DOCK1: variants seen among roughly 807,000 people sequenced by gnomAD.
The protein encoded by DOCK1 is dedicator of cytokinesis protein 1.
In DOCK1, 138 loss-of-function variants were observed where a neutral mutation model predicts 262.7. That is an observed-to-expected ratio of 0.53 (90% CI 0.46 to 0.61). DOCK1 has a LOEUF of 0.61. Ranked by LOEUF, DOCK1 falls within the 20% of genes least tolerant of loss-of-function variation. The pLI, the probability that DOCK1 is intolerant of heterozygous loss-of-function variation, is 0.00. For missense variants in DOCK1, 1,908 were observed against 2,370.7 expected, an observed-to-expected ratio of 0.80 and a Z score of 4.05; for synonymous variants, 866 against 867.4, an observed-to-expected ratio of 1.00 and a Z score of 0.03.
At chr10:127,337,150 G>A (rs989837911) in intron 29 of DOCK1, among the ~76,000 whole-genome samples, 1 of 152,058 alleles carries the variant, frequency 6.6e-6, no homozygotes. Flanking sequence ...TATGCATCAC[G>A]GCACAGCCCA....
chr10:126,915,438 G>GT (rs2032359929), intron 1 of DOCK1, among the ~76,000 whole-genome samples: 3 of 148,356 alleles, frequency 2.0e-5, no homozygotes, highest in African/African-American at 2.5e-5. Context: ...GGCGGGGGGG[G>GT]GATGGAGTCT....
At chr10:126,983,555 T>C (rs1771331306) in intron 4 of DOCK1, among the ~76,000 whole-genome samples, 1 of 152,144 alleles carries the variant, frequency 6.6e-6, no homozygotes, top group Non-Finnish European at 1.5e-5. Context: ...CAGGCTGCCT[T>C]GTAAGCCTCT....
intron 27 of DOCK1, among the ~76,000 whole-genome samples, chr10:127,215,717 A>G (rs574069932): frequency 2.2e-4 from 33 of 152,294 alleles, no homozygotes; most frequent in African/African-American, 7.9e-4. Context: ...AATTGACCTA[A>G]AGAAAAATAA....
At chr10:127,201,287 GT>G (rs941244277) in intron 27 of DOCK1, among the ~76,000 whole-genome samples, 2 of 152,132 alleles carry the variant, frequency 1.3e-5, no homozygotes, top group Non-Finnish European at 2.9e-5. Context: ...CTCTCGCTTT[GT>G]GTAAAGCCCC....
At chr10:127,448,508 CAT>C (rs1407015664) in intron 51 of DOCK1, among the ~76,000 whole-genome samples, 2 of 152,198 alleles carry the variant, frequency 1.3e-5, no homozygotes, top group African/African-American at 4.8e-5. Context: ...CGGGCCCAGG[CAT>C]GTGTGGAGGG....
At chr10:127,137,864 G>A (rs575404993) in intron 27 of DOCK1, 26 of 1,613,984 alleles carry the variant, frequency 1.6e-5, no homozygotes, top group Admixed American at 6.7e-5. Context: ...TCCATCTTCC[G>A]TGCTTTTTAG....
intron 16 of DOCK1, among the ~76,000 whole-genome samples, chr10:127,031,436 A>G (rs1008189365): frequency 3.8e-4 from 58 of 152,290 alleles, no homozygotes; most frequent in African/African-American, 1.4e-3. Context: ...TTGAATTTAT[A>G]GATTAATTTG....
intron 27 of DOCK1, among the ~76,000 whole-genome samples, chr10:127,184,679 A>G (rs943526301): frequency 2.0e-5 from 3 of 152,124 alleles, no homozygotes; most frequent in African/African-American, 4.8e-5. Flanking sequence ...CCATCTGCTG[A>G]CTTCCATTAA....
chr10:127,187,379 C>G (rs1400297050), intron 27 of DOCK1, among the ~76,000 whole-genome samples: 3 of 152,180 alleles, frequency 2.0e-5, no homozygotes, highest in African/African-American at 7.2e-5. Flanking sequence ...AAATGATTCT[C>G]TGTGGACTTG....
intron 29 of DOCK1, among the ~76,000 whole-genome samples, chr10:127,276,796 T>A (rs2060759027): frequency 7.3e-6 from 1 of 136,368 alleles, no homozygotes; most frequent in Non-Finnish European, 1.7e-5. Flanking sequence ...GTTTTTCCAA[T>A]TCCTCTATTG....
At position 127,012,499 on chromosome 10, in the gene DOCK1, C is replaced by T. The variant is rs188170730; in HGVS notation, c.1201+125C>T. On this transcript the variant is annotated intron_variant, in intron 12 of 51. Transcript: ENST00000623213. This position sits in a 1 kb window ranked among gnomAD's most constrained non-coding sequence, Gnocchi z 4.0. Reference sequence around the variant, plus strand: ...TGATAATGATGGGGATGACAGTGATCGTGGTGGAGAATGTGTGTGACAGTT... The same window carrying T: ...TGATAATGATGGGGATGACAGTGATTGTGGTGGAGAATGTGTGTGACAGTT... 3,708 of 805,902 alleles carry T rather than the reference C, an allele frequency of 4.6e-3. 17 individuals are homozygous for T. Among genetic ancestry groups the T allele is most frequent in the Non-Finnish European group, 5.9e-3 (2,859 of 486,022 alleles). 49.9% of individuals were successfully genotyped at this position (805,902 alleles called of 1,614,324 possible).
intron 22 of DOCK1, among the ~76,000 whole-genome samples, chr10:127,055,491 G>A (rs575923051): frequency 6.6e-6 from 1 of 152,310 alleles, no homozygotes; most frequent in South Asian, 2.1e-4. Flanking sequence ...CTACCTGCAA[G>A]GAAGCTGGAA....
chr10:127,406,286 G>A (rs558317017), intron 40 of DOCK1, among the ~76,000 whole-genome samples: 1 of 152,290 alleles, frequency 6.6e-6, no homozygotes. Flanking sequence ...GGGTGCGGAG[G>A]ACACGTTGCA....
intron 32 of DOCK1, among the ~76,000 whole-genome samples, chr10:127,359,606 C>G (rs1407239598): frequency 6.6e-6 from 1 of 152,220 alleles, no homozygotes; most frequent in Non-Finnish European, 1.5e-5. Context: ...CTTTCAGAAA[C>G]ATTAAGCATT....
chr10:127,023,786 C>G (rs2042624196), intron 14 of DOCK1, among the ~76,000 whole-genome samples: 1 of 152,126 alleles, frequency 6.6e-6, no homozygotes, highest in Non-Finnish European at 1.5e-5. Flanking sequence ...CGTGGAGTCT[C>G]ATTTGCTGTC....
chr10:127,297,738 C>A (rs967927335), intron 29 of DOCK1, among the ~76,000 whole-genome samples: 1 of 152,112 alleles, frequency 6.6e-6, no homozygotes, highest in Non-Finnish European at 1.5e-5. Context: ...ACCCTCATGG[C>A]ACGAGCATGG....
rs11016077 is a variant in DOCK1 at position 127,083,072 on chromosome 10, A to G, written c.2445+21296A>G. Among the ~76,000 whole-genome samples the G allele has an allele frequency of 6.7e-3, 1,022 of 152,324 alleles. 6 individuals are homozygous for G. Among genetic ancestry groups the G allele is most frequent in the Admixed American group, 0.012 (180 of 15,304 alleles). On this transcript the variant is annotated intron_variant, in intron 23 of 51. Coordinates refer to ENST00000623213, the MANE Select transcript of DOCK1 (RefSeq NM_001290223.2). ...CTGTCCTCTGTGCCATTGGACTCCC[A>G]GAGTCCTCTGCAAAGGACACCATGT...
chr10:127,182,940 G>A (rs1321678146), intron 27 of DOCK1, among the ~76,000 whole-genome samples: 6 of 152,128 alleles, frequency 3.9e-5, no homozygotes, highest in African/African-American at 7.2e-5. Context: ...CATCAGAGGC[G>A]GGAGTTGGCA....
chr10:127,047,343 C>A (rs1314465191), intron 21 of DOCK1, among the ~76,000 whole-genome samples: 1 of 152,122 alleles, frequency 6.6e-6, no homozygotes, highest in African/African-American at 2.4e-5. Context: ...TCTCACATTA[C>A]TCAAATGTTA....
Sources: gnomAD v4.1 joint callset for allele counts (sites outside exome capture counted in the v4.1 genomes callset) on GRCh38, gnomAD v4.1.1 for gene constraint, Gnocchi (gnomAD v3.1) non-coding constraint, MANE v1.5 for transcripts, NCBI Gene and HGNC (gene_info 2026-07-23, HGNC 2026-07-21) for gene names.